The following GPATCH2 variants were observed in gnomAD, a reference collection of about 807,000 sequenced individuals.
GPATCH2 encodes G patch domain-containing protein 2.
GPATCH2 carries 51 observed loss-of-function variants against 58.0 expected under a neutral mutation model. That is an observed-to-expected ratio of 0.88 (90% CI 0.70 to 1.11). GPATCH2 has a LOEUF of 1.11. Among genes scored for constraint, GPATCH2 ranks in the 50% most tolerant of loss-of-function variants. The pLI is 0.00. For missense variants in GPATCH2, 625 were observed against 652.2 expected (o/e 0.96, Z 0.45); for synonymous variants, 222 against 218.5 (o/e 1.02, Z -0.14).
chr1:217,582,763 CAGAG>C (rs764356310), intron 5 of GPATCH2, among the ~76,000 whole-genome samples: 3 of 152,162 alleles, frequency 2.0e-5, no homozygotes, highest in Admixed American at 2.0e-4. Flanking sequence ...GGTCAGTAAA[CAGAG>C]AGAGCTTTAA....
At position 217,430,734 on chromosome 1, in the gene GPATCH2, G is replaced by A. The variant is rs1408666438; in HGVS notation, c.*411C>T. 5.4e-6 allele frequency: 1 copy of A among 186,672 alleles called. No homozygotes were observed. The highest frequency in any genetic ancestry group is 2.4e-5 in the African/African-American group (1 of 42,020). 11.6% of individuals were successfully genotyped at this position (186,672 alleles called of 1,614,324 possible). A position where few individuals can be genotyped will look rare whatever the true frequency, so the allele number is the denominator to read the frequency against. On this transcript the variant is annotated 3_prime_UTR_variant, in exon 10 of 10. Transcript: ENST00000366935. ...TAGGTCTTTTGGGTTACAATAGATA[G>A]GGATGATATAAAACACAATCTTTTC...
At chr1:217,491,783 CA>C in intron 7 of GPATCH2, 33 bp from the exon 8 acceptor site, 1 of 777,790 alleles carries the variant, frequency 1.3e-6, no homozygotes, top group Non-Finnish European at 2.1e-6. Context: ...GTCATAGAAA[CA>C]AAAATATTTT....
intron 1 of GPATCH2, among the ~76,000 whole-genome samples, chr1:217,621,031 A>G (rs1669164833): frequency 6.6e-6 from 1 of 152,208 alleles, no homozygotes; most frequent in Admixed American, 6.5e-5. Flanking sequence ...AACCAACACC[A>G]TGCATTTATT....
At chr1:217,626,508 C>T (rs1283941458) in intron 1 of GPATCH2, among the ~76,000 whole-genome samples, 1 of 152,090 alleles carries the variant, frequency 6.6e-6, no homozygotes, top group Non-Finnish European at 1.5e-5. Context: ...AGTGACTAAA[C>T]ATGCAAATGG....
chr1:217,596,300 A>T (rs184383324), intron 5 of GPATCH2, among the ~76,000 whole-genome samples: 1 of 152,198 alleles, frequency 6.6e-6, no homozygotes, highest in African/African-American at 2.4e-5. Flanking sequence ...TCCAATTTTT[A>T]AAAAATTAAT....
intron 6 of GPATCH2, among the ~76,000 whole-genome samples, chr1:217,505,255 C>A (rs1341027467): frequency 6.6e-6 from 1 of 152,180 alleles, no homozygotes; most frequent in African/African-American, 2.4e-5. Context: ...TTCATTTAAT[C>A]CTCACCGCAG....
At position 217,443,857 on chromosome 1, in the gene GPATCH2, A is replaced by G. The variant is rs116306200; in HGVS notation, c.1366+5392T>C. ...ATATTTTCATAATAAAATAATCTCA[A>G]ATTTCTACTCGATTCTTTACCACAT... is the stretch of plus-strand genomic sequence containing the variant. On this transcript the variant is annotated intron_variant, in intron 9 of 9. Coordinates refer to ENST00000366935, the MANE Select transcript of GPATCH2 (RefSeq NM_018040.5). 7.0e-3 allele frequency among the ~76,000 whole-genome samples: 1,061 copies of G among 152,308 alleles called. 17 individuals are homozygous for G. The highest frequency in any genetic ancestry group is 8.5e-3 in the Non-Finnish European group (581 of 68,036).
chr1:217,497,501 T>C (rs1662070640), intron 7 of GPATCH2, among the ~76,000 whole-genome samples: 1 of 152,140 alleles, frequency 6.6e-6, no homozygotes, highest in Non-Finnish European at 1.5e-5. Context: ...ACCTTCCTTT[T>C]ATTAGTAAAA....
intron 8 of GPATCH2, among the ~76,000 whole-genome samples, chr1:217,467,656 T>A (rs1316606738): frequency 6.6e-6 from 1 of 151,970 alleles, no homozygotes; most frequent in Non-Finnish European, 1.5e-5. Context: ...AAGTCTTGAA[T>A]TTGAACTGGA....
rs142380639 is a variant in GPATCH2, at chr1:217,469,845, C to T, written c.1278-20508G>A. On this transcript the variant is annotated intron_variant, in intron 8 of 9. Transcript: ENST00000366935. ...AATTTAATAGGTTTTTTCCTGAGGA[C>T]GGTAAGGTACAAATGATCAAGCAGC... Among the ~76,000 whole-genome samples, 817 of 152,048 alleles carry T rather than the reference C, an allele frequency of 5.4e-3. 7 individuals are homozygous for T. Among genetic ancestry groups the T allele is most frequent in the Admixed American group, 9.8e-3 (149 of 15,258 alleles).
intron 8 of GPATCH2, among the ~76,000 whole-genome samples, chr1:217,458,822 TC>T (rs1660073329): frequency 6.6e-6 from 1 of 152,182 alleles, no homozygotes; most frequent in Non-Finnish European, 1.5e-5. Context: ...ACCTTGCTAC[TC>T]TTCCAAGTGT....
chr1:217,548,109 A>T (rs1368176377), intron 5 of GPATCH2, among the ~76,000 whole-genome samples: 1 of 152,176 alleles, frequency 6.6e-6, no homozygotes, highest in Non-Finnish European at 1.5e-5. Flanking sequence ...ACCTAGTCTC[A>T]TGTAGTTCTT....
At chr1:217,517,902 A>T (rs1663246266) in intron 5 of GPATCH2, among the ~76,000 whole-genome samples, 1 of 152,122 alleles carries the variant, frequency 6.6e-6, no homozygotes, top group Admixed American at 6.5e-5. Flanking sequence ...TCTGTTCTTC[A>T]TGAGAAACAG....
In GPATCH2 at chr1:217,428,089, AAAG is replaced by A. The variant is rs1658395153; in HGVS notation, c.*3053_*3055del. On this transcript the variant is annotated 3_prime_UTR_variant, in exon 10 of 10. Transcript: ENST00000366935. Reference sequence around the variant, plus strand: ...TTAAATAGTGTATTCGGGGAGCAGAAAAGAAGGAAACAAATGACTCCAGCACAC... The same window carrying A: ...TTAAATAGTGTATTCGGGGAGCAGAAAAGGAAACAAATGACTCCAGCACAC... The A allele has an allele frequency of 6.6e-6, 1 of 152,208 alleles. No homozygotes were observed. Among genetic ancestry groups the A allele is most frequent in the South Asian group, 2.1e-4 (1 of 4,832 alleles). 9.4% of individuals were successfully genotyped at this position (152,208 alleles called of 1,614,324 possible).
intron 8 of GPATCH2, among the ~76,000 whole-genome samples, chr1:217,454,201 CT>C (rs1403879781): frequency 3.9e-5 from 6 of 152,150 alleles, no homozygotes; most frequent in South Asian, 4.1e-4. Context: ...CAGTATCTAG[CT>C]TTTTTTCCTT....
At chr1:217,624,151 C>T (rs1669333901) in intron 1 of GPATCH2, among the ~76,000 whole-genome samples, 1 of 152,134 alleles carries the variant, frequency 6.6e-6, no homozygotes, top group Non-Finnish European at 1.5e-5. Context: ...CAATACCAAC[C>T]AAAACCCATG....
At chr1:217,451,324 T>TCTAC (rs1179937614) in intron 8 of GPATCH2, among the ~76,000 whole-genome samples, 1 of 152,200 alleles carries the variant, frequency 6.6e-6, no homozygotes, top group African/African-American at 2.4e-5. Context: ...ATTTTACAAC[T>TCTAC]CTACCTTGTA....
At chr1:217,468,361 G>A (rs1331002340) in intron 8 of GPATCH2, among the ~76,000 whole-genome samples, 1 of 152,090 alleles carries the variant, frequency 6.6e-6, no homozygotes, top group Non-Finnish European at 1.5e-5. Flanking sequence ...CAGTTCTCTA[G>A]ATGTAAATAC....
intron 5 of GPATCH2, among the ~76,000 whole-genome samples, chr1:217,541,577 ATT>A (rs557121604): frequency 6.6e-6 from 1 of 151,446 alleles, no homozygotes; most frequent in African/African-American, 2.4e-5. Flanking sequence ...AGCTCATTTC[ATT>A]TTTTTTTCCA....
Sources: gnomAD v4.1 joint callset for allele counts (sites outside exome capture counted in the v4.1 genomes callset) on GRCh38, gnomAD v4.1.1 for gene constraint, MANE v1.5 for transcripts, NCBI Gene and HGNC (gene_info 2026-07-23, HGNC 2026-07-21) for gene names.